WWOX: variants seen among roughly 807,000 people sequenced by gnomAD.
The protein encoded by WWOX is WW domain containing oxidoreductase.
WWOX carries 69 observed loss-of-function variants against 46.2 expected under a neutral mutation model. The observed-to-expected ratio is 1.49, with a 90% CI of 1.23 to 1.82. The LOEUF is 1.82. Ranked by LOEUF, WWOX falls within the 40% of genes most tolerant of loss-of-function variation. WWOX has a pLI of 0.00. For synonymous variants in WWOX, 359 were observed against 202.6 expected, an observed-to-expected ratio of 1.77 and a Z score of -6.56; for missense variants, 919 against 542.6, an observed-to-expected ratio of 1.69 and a Z score of -6.89.
At chr16:78,668,895 G>A (rs150290132) in intron 8 of WWOX, among the ~76,000 whole-genome samples, 4 of 152,066 alleles carry the variant, frequency 2.6e-5, no homozygotes, top group South Asian at 2.1e-4. Flanking sequence ...TCTCTTCATC[G>A]GGCCTCCACA....
At chr16:78,884,236 G>A (rs1597103805) in intron 8 of WWOX, among the ~76,000 whole-genome samples, 1 of 133,892 alleles carries the variant, frequency 7.5e-6, no homozygotes, top group African/African-American at 2.9e-5. Flanking sequence ...TTAGGTCCCT[G>A]CACTCCAGCT....
chr16:78,800,639 C>A (rs2050862142), intron 8 of WWOX, among the ~76,000 whole-genome samples: 1 of 152,150 alleles, frequency 6.6e-6, no homozygotes, highest in Admixed American at 6.5e-5. Flanking sequence ...AGCTGACGGC[C>A]AAAGGGGAAG....
intron 5 of WWOX, among the ~76,000 whole-genome samples, chr16:78,376,174 A>G (rs2081820775): frequency 6.6e-6 from 1 of 152,112 alleles, no homozygotes; most frequent in South Asian, 2.1e-4. Context: ...CTACCCAGGA[A>G]TTTTCACAGT....
chr16:78,780,557 G>C (rs4887987), intron 8 of WWOX: 1 of 151,970 alleles, frequency 6.6e-6, no homozygotes, highest in Non-Finnish European at 1.5e-5. Context: ...TGATGAGGGA[G>C]TTAAAGAAAT....
In WWOX at chr16:79,159,882, C is replaced by T. The variant is rs1012674285; in HGVS notation, c.1057-51726C>T. Among the ~76,000 whole-genome samples the T allele has an allele frequency of 3.9e-5, 6 of 152,232 alleles. No individual in the cohort carries two copies. In the South Asian group the frequency reaches 1.0e-3, roughly 26 times the overall value. ...TGGGCTTGTCAGCTTGGGGTGTATG[C>T]CGCACCTCCTCTTTGAAGAGGATCT... On this transcript the variant is annotated intron_variant, in intron 8 of 8. Transcript: ENST00000566780.
At chr16:78,965,444 C>G (rs2046346989) in intron 8 of WWOX, among the ~76,000 whole-genome samples, 1 of 151,976 alleles carries the variant, frequency 6.6e-6, no homozygotes, top group Admixed American at 6.6e-5. Context: ...GTGGCAGGCA[C>G]TTGTAATCCC....
intron 8 of WWOX, among the ~76,000 whole-genome samples, chr16:78,800,976 C>A (rs751574579): frequency 2.6e-5 from 4 of 151,758 alleles, no homozygotes; most frequent in Non-Finnish European, 5.9e-5. Flanking sequence ...AGCATAAATG[C>A]AAACTATCAC....
chr16:78,366,435 A>G (rs1431492881), intron 5 of WWOX, among the ~76,000 whole-genome samples: 2 of 152,142 alleles, frequency 1.3e-5, no homozygotes, highest in Non-Finnish European at 2.9e-5. Context: ...CAGACACTCT[A>G]AGGAATGGCA....
At chr16:78,601,589 C>T (rs1264459744) in intron 8 of WWOX, among the ~76,000 whole-genome samples, 1 of 152,178 alleles carries the variant, frequency 6.6e-6, no homozygotes, top group Non-Finnish European at 1.5e-5. Context: ...GAAGAAATAG[C>T]TTTACCCGTG....
At chr16:78,393,079 T>C (rs2082210893) in intron 6 of WWOX, among the ~76,000 whole-genome samples, 1 of 152,160 alleles carries the variant, frequency 6.6e-6, no homozygotes, top group Non-Finnish European at 1.5e-5. Flanking sequence ...TGAGGGATAT[T>C]TTTGTTTAAA....
At chr16:78,375,731 T>C (rs1040954706) in intron 5 of WWOX, among the ~76,000 whole-genome samples, 1 of 152,176 alleles carries the variant, frequency 6.6e-6, no homozygotes, top group Non-Finnish European at 1.5e-5. Context: ...AGAAAAAAAT[T>C]ATAGTTTCCT....
chr16:78,815,402 A>G (rs1597659377), intron 8 of WWOX, among the ~76,000 whole-genome samples: 1 of 152,144 alleles, frequency 6.6e-6, no homozygotes, highest in East Asian at 1.9e-4. Context: ...TACTAACTGG[A>G]GTACATTGCA....
intron 8 of WWOX, among the ~76,000 whole-genome samples, chr16:78,565,945 G>C (rs1308546757): frequency 7.3e-6 from 1 of 136,916 alleles, no homozygotes; most frequent in Non-Finnish European, 1.5e-5. Flanking sequence ...TCATACAATG[G>C]CGATTGTTTT....
intron 4 of WWOX, among the ~76,000 whole-genome samples, chr16:78,147,633 G>A (rs890942704): frequency 2.0e-5 from 3 of 148,920 alleles, no homozygotes; most frequent in Admixed American, 1.3e-4. Context: ...TTTTTTAATG[G>A]TGAGAGCCAA....
intron 8 of WWOX, among the ~76,000 whole-genome samples, chr16:78,793,406 C>T (rs764310802): frequency 6.6e-6 from 1 of 152,150 alleles, no homozygotes; most frequent in Non-Finnish European, 1.5e-5. Flanking sequence ...ACTGCACAGA[C>T]TATACGGCTG....
At chr16:78,995,229 C>G (rs925006223) in intron 8 of WWOX, among the ~76,000 whole-genome samples, 7 of 152,006 alleles carry the variant, frequency 4.6e-5, no homozygotes, top group Admixed American at 1.3e-4. Context: ...ATTCCAAAGC[C>G]CATGCCCAAT....
At chr16:78,725,344 C>CTTTTTTTTTTTTTTTTTTTT (rs1220702069) in intron 8 of WWOX, among the ~76,000 whole-genome samples, 2 of 61,872 alleles carry the variant, frequency 3.2e-5, no homozygotes, top group Non-Finnish European at 5.6e-5. Flanking sequence ...CTTTTCTTTT[C>CTTTTTTTTTTTTTTTTTTTT]TTTTTTTTTT....
intron 8 of WWOX, among the ~76,000 whole-genome samples, chr16:78,901,276 G>T (rs1396027710): frequency 6.6e-6 from 1 of 152,214 alleles, no homozygotes; most frequent in South Asian, 2.1e-4. Context: ...GAGGACAAAA[G>T]ATCACAAAGT....
At chr16:78,425,881 C>T (rs893422794) in intron 7 of WWOX, among the ~76,000 whole-genome samples, 4 of 152,044 alleles carry the variant, frequency 2.6e-5, no homozygotes, top group African/African-American at 9.7e-5. Context: ...TTTCCTCCTT[C>T]TTCTCCGTCT....
Sources: allele counts gnomAD v4.1 joint callset (sites outside exome capture counted in the v4.1 genomes callset), GRCh38; gene constraint gnomAD v4.1.1; transcripts MANE v1.5; gene names NCBI Gene and HGNC (gene_info 2026-07-23, HGNC 2026-07-21).